PCLO: variants seen among roughly 807,000 people sequenced by gnomAD.
The protein encoded by PCLO is piccolo presynaptic cytomatrix protein.
PCLO carries 82 observed loss-of-function variants against 427.5 expected under a neutral mutation model. The ratio of observed to expected loss-of-function variants is 0.19; its 90% CI spans 0.16 to 0.23. The LOEUF is 0.23. PCLO is among the 10% of genes least tolerant of loss of function. The probability of loss-of-function intolerance (pLI) is 1.00; values close to 1 mark genes in which losing one functional copy is unlikely to be tolerated. For synonymous variants in PCLO, 2,357 were observed against 2,155.4 expected (o/e 1.09, Z -2.59); for missense variants, 6,239 against 6,115.9 (o/e 1.02, Z -0.67).
At chr7:82,867,179 C>T (rs1371213233) in intron 10 of PCLO, among the ~76,000 whole-genome samples, 2 of 152,108 alleles carry the variant, frequency 1.3e-5, no homozygotes, top group East Asian at 1.9e-4. Context: ...GCAGGAGGAT[C>T]GTTTGAGCAC....
At chr7:82,939,588 GA>G (rs1166928828) in intron 6 of PCLO, among the ~76,000 whole-genome samples, 14 of 145,526 alleles carry the variant, frequency 9.6e-5, no homozygotes, top group South Asian at 8.7e-4. Context: ...TTTTTCCGCT[GA>G]AAAAAAAATA....
chr7:82,820,748 G>A, intron 20 of PCLO: 3 of 1,231,346 alleles, frequency 2.4e-6, no homozygotes, highest in Non-Finnish European at 3.0e-6. Flanking sequence ...CAACTGGTAG[G>A]CTAACTTGAA....
At chr7:83,030,119 GAAA>G (rs199609017) in intron 3 of PCLO, among the ~76,000 whole-genome samples, 50 of 104,608 alleles carry the variant, frequency 4.8e-4, no homozygotes, top group Middle Eastern at 0.013. Flanking sequence ...AATAATAAAA[GAAA>G]AAAAAAAAAA....
At position 82,824,315 on chromosome 7, in the gene PCLO, G is replaced by T; in HGVS notation, c.14517C>A (p.Ser4839=). The T allele has an allele frequency of 1.2e-6, 2 of 1,613,430 alleles. No individual in the cohort carries two copies. Among genetic ancestry groups the T allele is most frequent in the Non-Finnish European group, 1.7e-6 (2 of 1,179,642 alleles). The part of the protein sequence containing the change: ...TESIDHGKSH[S]SQSSQQSPKP... ...TTGGGGACTGCTGGCTGCTCTGACT[G>T]GAATGAGACTTGCCATGATCAATGC... The change falls in exon 19 of 25, where the codon TCC becomes TCA. Residue 4839 remains serine, a synonymous_variant. Coordinates refer to ENST00000333891, the MANE Select transcript of PCLO (RefSeq NM_033026.6).
At position 82,973,461 on chromosome 7, in the gene PCLO, AAT is replaced by A. The variant is rs1409234924; in HGVS notation, c.3301-6976_3301-6975del. ...TATGAATACAGTGTTGAGAAATAAAAATAGTCAACATAAAATACTAATTTCCA... is the reference window on the plus strand; with the variant it reads ...TATGAATACAGTGTTGAGAAATAAAAAGTCAACATAAAATACTAATTTCCA... On this transcript the variant is annotated intron_variant, in intron 3 of 24. Coordinates refer to ENST00000333891, the MANE Select transcript of PCLO (RefSeq NM_033026.6). 3.3e-5 allele frequency among the ~76,000 whole-genome samples: 5 copies of A among 152,332 alleles called. No homozygotes were observed. The South Asian group carries it at 6.2e-4, about 19-fold the overall frequency.
In PCLO at chr7:82,954,452, C is replaced by A. The variant is rs17148158; in HGVS notation, c.6501G>T (p.Ser2167=). Residue 2167 remains serine (S), a synonymous_variant, in exon 5 of 25, where the codon TCG becomes TCT. Coordinates refer to ENST00000333891, the MANE Select transcript of PCLO (RefSeq NM_033026.6). ...CAGATGTAGCACTTTCTGAAGGCTC[C>A]GAGTAGGTCAAAATCAGCGATTCAT... ...IAHESLILTY[S]EPSESATSVP... is the part of the protein sequence containing the mutation. The A allele has an allele frequency of 1.3e-5, 21 of 1,613,814 alleles. No individual in the cohort carries two copies. The highest frequency in any genetic ancestry group is 1.6e-5 in the Non-Finnish European group (19 of 1,179,836).
intron 2 of PCLO, among the ~76,000 whole-genome samples, chr7:83,144,773 A>G (rs966053997): frequency 9.0e-5 from 13 of 144,588 alleles, no homozygotes; most frequent in African/African-American, 3.3e-4. Flanking sequence ...CTTTAAATAA[A>G]TTTAAAAAGA....
intron 22 of PCLO, among the ~76,000 whole-genome samples, chr7:82,780,447 C>T (rs775505639): frequency 5.3e-5 from 8 of 152,200 alleles, no homozygotes; most frequent in Non-Finnish European, 8.8e-5. Flanking sequence ...AGTTAACCAC[C>T]ACTCTCTCCC....
intron 19 of PCLO, 122 bp from the exon 20 acceptor site, chr7:82,822,811 T>C (rs1791829150): frequency 1.3e-6 from 1 of 785,456 alleles, no homozygotes; most frequent in Non-Finnish European, 2.1e-6. Flanking sequence ...ATATGATTCA[T>C]TTATGCAACT....
Position 83,155,927 on chromosome 7 carries a change from T to C in PCLO, c.714A>G (p.Ser238=), listed in dbSNP as rs994391295. ...DPLQQDGTPK[S]ISSQQPEKIK... ...TTTTTTCTGGTTGTTGAGAAGATAT[T>C]GATTTGGGAGTGCCATCCTGCTGAA... Residue 238 remains serine (S), a synonymous_variant, in exon 2 of 25, where the codon TCA becomes TCG. Coordinates refer to ENST00000333891, the MANE Select transcript of PCLO (RefSeq NM_033026.6). 8 of 1,613,770 alleles carry C rather than the reference T, an allele frequency of 5.0e-6. No individual in the cohort carries two copies. Among genetic ancestry groups the C allele is most frequent in the Admixed American group, 3.3e-5 (2 of 59,984 alleles).
chr7:82,806,958 T>C (rs1392689492), intron 20 of PCLO, among the ~76,000 whole-genome samples: 1 of 119,340 alleles, frequency 8.4e-6, no homozygotes, highest in Non-Finnish European at 1.7e-5. Context: ...CTCTATTCTC[T>C]TCTCAAGGTA....
intron 3 of PCLO, among the ~76,000 whole-genome samples, chr7:83,129,888 A>G (rs1267585991): frequency 6.6e-6 from 1 of 152,192 alleles, no homozygotes; most frequent in African/African-American, 2.4e-5. Context: ...TTTTGGCTTA[A>G]ATTTATTTAA....
At chr7:83,090,439 A>G (rs1438487149) in intron 3 of PCLO, among the ~76,000 whole-genome samples, 2 of 152,216 alleles carry the variant, frequency 1.3e-5, no homozygotes, top group East Asian at 1.9e-4. Flanking sequence ...TTGCATTCCA[A>G]AAAGTTTTCA....
intron 3 of PCLO, among the ~76,000 whole-genome samples, chr7:83,004,952 G>A (rs1419095812): frequency 2.0e-5 from 3 of 151,360 alleles, no homozygotes; most frequent in African/African-American, 7.3e-5. Context: ...TCAGGAAAAC[G>A]CGAATCAAAA....
intron 22 of PCLO, among the ~76,000 whole-genome samples, chr7:82,770,854 GCATTGAATTTTATCTTCTGGTATAT>G (rs1481507167): frequency 1.3e-5 from 2 of 151,700 alleles, no homozygotes; most frequent in Non-Finnish European, 2.9e-5. Context: ...AATCTTATTT[GCATTGAATTTTATCTTCTGGTATAT>G]CATTGTTTTA....
rs191486898 is a variant in PCLO at position 83,116,229 on chromosome 7, A to C, written c.3300+18021T>G. ...TCTATAATTCAAAGAGTAATCTCAG[A>C]GTCATGTTCACAAATCTGGCTGACT... On this transcript the variant is annotated intron_variant, in intron 3 of 24. Coordinates refer to ENST00000333891, the MANE Select transcript of PCLO (RefSeq NM_033026.6). 1.9e-3 allele frequency among the ~76,000 whole-genome samples: 284 copies of C among 151,478 alleles called. 11 individuals are homozygous for C. Among genetic ancestry groups the C allele is most frequent in the Non-Finnish European group, 2.1e-3 (140 of 67,878 alleles).
chr7:82,817,289 T>C (rs1791696523), intron 20 of PCLO, among the ~76,000 whole-genome samples: 1 of 152,180 alleles, frequency 6.6e-6, no homozygotes, highest in Non-Finnish European at 1.5e-5. Flanking sequence ...GAATGTAAAA[T>C]TTGTTTTTAT....
At chr7:82,787,366 T>C (rs1236962231) in intron 22 of PCLO, among the ~76,000 whole-genome samples, 2 of 152,210 alleles carry the variant, frequency 1.3e-5, no homozygotes, top group African/African-American at 2.4e-5. Context: ...CATGTGTTTA[T>C]TGGCTGCATA....
At chr7:82,894,978 GAA>G (rs1486755956) in intron 9 of PCLO, among the ~76,000 whole-genome samples, 1 of 152,056 alleles carries the variant, frequency 6.6e-6, no homozygotes, top group Non-Finnish European at 1.5e-5. Flanking sequence ...AGCACAGAGA[GAA>G]GTTTCAGTGG....
Sources: allele counts gnomAD v4.1 joint callset (sites outside exome capture counted in the v4.1 genomes callset), GRCh38; gene constraint gnomAD v4.1.1; transcripts MANE v1.5; gene names NCBI Gene and HGNC (gene_info 2026-07-23, HGNC 2026-07-21).